The following XYLT1 variants were observed in gnomAD, a reference collection of about 807,000 sequenced individuals.
XYLT1 encodes xylosyltransferase 1, also known as beta-D-xylosyltransferase 1.
In XYLT1, 36 loss-of-function variants were observed where a neutral mutation model predicts 91.3. The observed-to-expected ratio is 0.39, with a 90% CI of 0.30 to 0.52. The LOEUF (loss-of-function observed/expected upper bound fraction) is 0.52, where lower values mean the gene tolerates loss of function less well. XYLT1 is among the 20% of genes least tolerant of loss of function. The pLI is 0.68. For synonymous variants in XYLT1, 588 were observed against 532.0 expected (o/e 1.11, Z -1.45); for missense variants, 1,242 against 1,284.5 (o/e 0.97, Z 0.51).
At chr16:17,324,077 G>A (rs1301822243) in intron 2 of XYLT1, among the ~76,000 whole-genome samples, 3 of 152,118 alleles carry the variant, frequency 2.0e-5, no homozygotes, top group Non-Finnish European at 4.4e-5. Context: ...CCCAGCTCAG[G>A]TCCCATGCAC....
intron 2 of XYLT1, among the ~76,000 whole-genome samples, chr16:17,356,307 T>C (rs1486690765): frequency 6.6e-6 from 1 of 152,084 alleles, no homozygotes; most frequent in Non-Finnish European, 1.5e-5. Context: ...GCAAAGGTGG[T>C]CAAGGTGATA....
intron 1 of XYLT1, among the ~76,000 whole-genome samples, chr16:17,398,402 T>G (rs1001114740): frequency 6.6e-6 from 1 of 152,168 alleles, no homozygotes; most frequent in Admixed American, 6.5e-5. Context: ...CAGAGACAGC[T>G]GAAACTTCGG....
At chr16:17,289,905 G>T (rs1009638840) in intron 2 of XYLT1, among the ~76,000 whole-genome samples, 11 of 152,200 alleles carry the variant, frequency 7.2e-5, no homozygotes, top group Non-Finnish European at 1.6e-4. Flanking sequence ...AAAGGAAGAT[G>T]ACGATGACTT....
At chr16:17,450,552 C>T (rs951571551) in intron 1 of XYLT1, among the ~76,000 whole-genome samples, 1 of 152,102 alleles carries the variant, frequency 6.6e-6, no homozygotes, top group Non-Finnish European at 1.5e-5. Context: ...CAGGTAACCA[C>T]AAGAGACCTA....
intron 10 of XYLT1, 92 bp downstream of exon 10, chr16:17,127,574 C>T: frequency 2.1e-6 from 3 of 1,442,750 alleles, no homozygotes; most frequent in Non-Finnish European, 1.9e-6. Context: ...CTCTTCTCCT[C>T]CATCTCCAAC....
At chr16:17,246,407 G>C (rs896988193) in intron 3 of XYLT1, among the ~76,000 whole-genome samples, 1 of 152,168 alleles carries the variant, frequency 6.6e-6, no homozygotes, top group African/African-American at 2.4e-5. Flanking sequence ...AACATGCAGT[G>C]CATTTTCCTT....
chr16:17,199,767 C>G (rs1033850328), intron 4 of XYLT1, among the ~76,000 whole-genome samples: 9 of 152,180 alleles, frequency 5.9e-5, no homozygotes, highest in Admixed American at 1.3e-4. Flanking sequence ...GCTTCCCCAG[C>G]TGCTTAGAAC....
intron 1 of XYLT1, among the ~76,000 whole-genome samples, chr16:17,451,115 T>G (rs1009351002): frequency 1.3e-5 from 2 of 152,232 alleles, no homozygotes; most frequent in African/African-American, 4.8e-5. Flanking sequence ...TTTTTGCAAG[T>G]GTTCAAGTTC....
At chr16:17,243,706 C>T (rs958640376) in intron 3 of XYLT1, among the ~76,000 whole-genome samples, 14 of 152,148 alleles carry the variant, frequency 9.2e-5, no homozygotes, top group South Asian at 2.1e-4. Flanking sequence ...GGAGCGGCAA[C>T]GGTCAGCAAT....
chr16:17,242,656 C>T (rs1020539867), intron 3 of XYLT1, among the ~76,000 whole-genome samples: 2 of 152,204 alleles, frequency 1.3e-5, no homozygotes, highest in African/African-American at 4.8e-5. Flanking sequence ...CCGTCTTAAT[C>T]ATTTTAAGTG....
intron 5 of XYLT1, 160 bp downstream of exon 5, chr16:17,198,052 G>A: frequency 4.1e-6 from 3 of 733,804 alleles, no homozygotes; most frequent in Non-Finnish European, 6.7e-6. Flanking sequence ...ATGAATGAAT[G>A]AGTGAATGAA....
intron 2 of XYLT1, among the ~76,000 whole-genome samples, chr16:17,339,649 G>T (rs901441024): frequency 6.6e-6 from 1 of 152,064 alleles, no homozygotes; most frequent in South Asian, 2.1e-4. Context: ...ACCAGATTCC[G>T]AAGGGATTTA....
chr16:17,301,944 G>T (rs1331087164), intron 2 of XYLT1, among the ~76,000 whole-genome samples: 1 of 152,104 alleles, frequency 6.6e-6, no homozygotes, highest in Admixed American at 6.5e-5. Flanking sequence ...CGGCACAGTG[G>T]CTCATGCCTG....
chr16:17,283,938 T>G (rs141188869), intron 2 of XYLT1, among the ~76,000 whole-genome samples: 59 of 152,246 alleles, frequency 3.9e-4, no homozygotes, highest in African/African-American at 1.4e-3. Flanking sequence ...GATACTGTTA[T>G]CCGCACTACC....
intron 1 of XYLT1, among the ~76,000 whole-genome samples, chr16:17,424,258 T>C (rs1210381087): frequency 6.6e-6 from 1 of 152,212 alleles, no homozygotes; most frequent in Non-Finnish European, 1.5e-5. Context: ...CTCTACTTCC[T>C]CACCTGTCAA....
intron 2 of XYLT1, among the ~76,000 whole-genome samples, chr16:17,353,758 G>C (rs1273356061): frequency 1.3e-5 from 2 of 152,172 alleles, no homozygotes; most frequent in Non-Finnish European, 2.9e-5. Context: ...CATATACCAA[G>C]CCCATTTCTC....
At chr16:17,405,061 C>T (rs540618659) in intron 1 of XYLT1, among the ~76,000 whole-genome samples, 16 of 150,254 alleles carry the variant, frequency 1.1e-4, no homozygotes, top group Non-Finnish European at 2.1e-4. Flanking sequence ...GTTAATCAAA[C>T]GGCCTCGCCA....
chr16:17,230,742 T>C (rs2033145253), intron 3 of XYLT1, among the ~76,000 whole-genome samples: 1 of 152,218 alleles, frequency 6.6e-6, no homozygotes, highest in South Asian at 2.1e-4. Context: ...CTCCGGTCCC[T>C]TCAATGTAGG....
chr16:17,354,490 C>A (rs2035266281), intron 2 of XYLT1, among the ~76,000 whole-genome samples: 1 of 152,194 alleles, frequency 6.6e-6, no homozygotes, highest in African/African-American at 2.4e-5. Flanking sequence ...AGGGCCCCTG[C>A]ACAGCCGTGT....
Sources: allele counts gnomAD v4.1 joint callset (sites outside exome capture counted in the v4.1 genomes callset), GRCh38; gene constraint gnomAD v4.1.1; transcripts MANE v1.5; gene names NCBI Gene and HGNC (gene_info 2026-07-23, HGNC 2026-07-21).